The following TCF12 variants were observed in gnomAD, a reference collection of about 807,000 sequenced individuals.
The protein encoded by TCF12 is transcription factor 12, also known as DNA-binding protein HTF4.
In TCF12, 45 loss-of-function variants were observed where a neutral mutation model predicts 86.0. The ratio of observed to expected loss-of-function variants is 0.52; its 90% CI spans 0.41 to 0.67. TCF12 has a LOEUF of 0.67. TCF12 is among the 30% of genes least tolerant of loss of function. The pLI, the probability that TCF12 is intolerant of heterozygous loss-of-function variation, is 0.00. For synonymous variants in TCF12, 330 were observed against 299.6 expected (o/e 1.10, Z -1.05); for missense variants, 881 against 859.9 (o/e 1.02, Z -0.31).
chr15:57,179,986 C>A (rs1385030594), intron 6 of TCF12, among the ~76,000 whole-genome samples: 2 of 152,204 alleles, frequency 1.3e-5, no homozygotes, highest in South Asian at 2.1e-4. Context: ...AGAATGATAA[C>A]TGTAGTTTGC....
chr15:57,232,642 C>T, intron 10 of TCF12, 70 bp from the exon 11 acceptor site: 1 of 1,518,374 alleles, frequency 6.6e-7, no homozygotes, highest in East Asian at 2.4e-5. Context: ...GACCTGTTAT[C>T]ATAGTTGTCC....
At chr15:57,093,092 A>C (rs1346821573) in intron 5 of TCF12, among the ~76,000 whole-genome samples, 3 of 152,210 alleles carry the variant, frequency 2.0e-5, no homozygotes, top group Non-Finnish European at 4.4e-5. Context: ...ACAAGCAATA[A>C]AACTTGTGTT....
chr15:57,146,368 T>C (rs1007547582), intron 5 of TCF12, among the ~76,000 whole-genome samples: 1 of 152,216 alleles, frequency 6.6e-6, no homozygotes, highest in Non-Finnish European at 1.5e-5. Context: ...TTACTAGATA[T>C]ACAAATTTGT....
chr15:57,030,943 A>G (rs542644251), intron 3 of TCF12, among the ~76,000 whole-genome samples: 1 of 152,304 alleles, frequency 6.6e-6, no homozygotes, highest in African/African-American at 2.4e-5. Flanking sequence ...TTATTCATCA[A>G]ATCCAACCAA....
At chr15:57,166,959 A>G (rs2054941121) in intron 6 of TCF12, among the ~76,000 whole-genome samples, 1 of 152,216 alleles carries the variant, frequency 6.6e-6, no homozygotes, top group African/African-American at 2.4e-5. Flanking sequence ...TGCTTCTGCT[A>G]ATGGGCATCT....
intron 5 of TCF12, among the ~76,000 whole-genome samples, chr15:57,136,962 T>TTTTTTC (rs2052578354): frequency 5.8e-5 from 1 of 17,242 alleles, no homozygotes; most frequent in Non-Finnish European, 1.3e-4. Flanking sequence ...CTGGCAGTTT[T>TTTTTTC]TTTTTTTGTT....
intron 3 of TCF12, among the ~76,000 whole-genome samples, chr15:56,966,771 T>C (rs1308130385): frequency 4.6e-5 from 7 of 152,208 alleles, no homozygotes; most frequent in Non-Finnish European, 7.3e-5. Context: ...TGAACTGTAG[T>C]GTCAATAATT....
intron 5 of TCF12, among the ~76,000 whole-genome samples, chr15:57,103,371 C>G (rs1465026570): frequency 2.0e-5 from 3 of 152,180 alleles, no homozygotes; most frequent in African/African-American, 7.2e-5. Flanking sequence ...CAACTTAAGG[C>G]TGTCTTCTGT....
chr15:57,042,202 T>C (rs1352350058), intron 3 of TCF12, among the ~76,000 whole-genome samples: 1 of 152,062 alleles, frequency 6.6e-6, no homozygotes, highest in Non-Finnish European at 1.5e-5. Flanking sequence ...CACTGCAACC[T>C]CTGCCTCATA....
chr15:57,127,456 G>C (rs2051752919), intron 5 of TCF12, among the ~76,000 whole-genome samples: 1 of 152,084 alleles, frequency 6.6e-6, no homozygotes, highest in African/African-American at 2.4e-5. Flanking sequence ...ACCTATAATA[G>C]AGTAGCGTTT....
intron 14 of TCF12, chr15:57,252,184 G>A (rs1219054016): frequency 4.5e-5 from 18 of 397,154 alleles, no homozygotes; most frequent in Non-Finnish European, 6.7e-5. Flanking sequence ...TTGAAGGAAC[G>A]TTTGCTTCTC....
chr15:57,177,097 ATGT>A (rs1465290260), intron 6 of TCF12, among the ~76,000 whole-genome samples: 4 of 152,062 alleles, frequency 2.6e-5, no homozygotes, highest in African/African-American at 4.8e-5. Flanking sequence ...CATTGAGAAA[ATGT>A]TGTTTGAATC....
chr15:57,148,923 A>G (rs1232933608), intron 5 of TCF12, among the ~76,000 whole-genome samples: 33 of 152,142 alleles, frequency 2.2e-4, no homozygotes, highest in Non-Finnish European at 3.2e-4. Context: ...ATAACTAACA[A>G]CAACGTGACC....
chr15:57,253,223 C>A, intron 15 of TCF12, 39 bp from the exon 16 acceptor site: 11 of 1,605,072 alleles, frequency 6.9e-6, no homozygotes, highest in Non-Finnish European at 9.4e-6. Context: ...CTAACAGATG[C>A]CAGCAATAAC....
At chr15:57,176,171 C>T (rs908406987) in intron 6 of TCF12, among the ~76,000 whole-genome samples, 1 of 152,104 alleles carries the variant, frequency 6.6e-6, no homozygotes, top group Non-Finnish European at 1.5e-5. Context: ...GCACTCCAGC[C>T]TAGGTGACAG....
Position 57,063,555 on chromosome 15 carries a change from A to G in TCF12, c.149-195A>G, listed in dbSNP as rs373900094. Among the ~76,000 whole-genome samples the G allele has an allele frequency of 2.0e-5, 3 of 152,172 alleles. No homozygotes were observed. The East Asian group carries it at 5.8e-4, about 29-fold the overall frequency. On this transcript the variant is annotated intron_variant, in intron 3 of 20. Coordinates refer to ENST00000333725, the MANE Select transcript of TCF12 (RefSeq NM_207037.2). ...TACTATAATTTACATAGGGTATTGC[A>G]TGAGGATTGATGGAGCAATGATGAA...
Position 57,286,486 on chromosome 15 carries a change from A to T in TCF12, c.*341A>T, listed in dbSNP as rs1428926715. 2.4e-5 allele frequency: 9 copies of T among 378,788 alleles called. No individual in the cohort carries two copies. The highest frequency in any genetic ancestry group is 4.2e-5 in the Non-Finnish European group (8 of 190,300). 23.5% of individuals were successfully genotyped at this position (378,788 alleles called of 1,614,324 possible). A position where few individuals can be genotyped will look rare whatever the true frequency, so the allele number is the denominator to read the frequency against. Reference sequence around the variant, plus strand: ...GTTGCCTTGTGCCTAAACTGAATTGACAAATGCATTGTAACTACAAATTTT... The same window carrying T: ...GTTGCCTTGTGCCTAAACTGAATTGTCAAATGCATTGTAACTACAAATTTT... On this transcript the variant is annotated 3_prime_UTR_variant, in exon 21 of 21. Transcript: ENST00000333725.
chr15:57,105,719 G>C (rs180933513), intron 5 of TCF12, among the ~76,000 whole-genome samples: 54 of 152,264 alleles, frequency 3.5e-4, no homozygotes, highest in Admixed American at 2.3e-3. Context: ...ACCATGAAAA[G>C]TTTTTAATGA....
chr15:57,264,232 ACT>A (rs1235350273), intron 18 of TCF12, among the ~76,000 whole-genome samples: 16 of 42,064 alleles, frequency 3.8e-4, no homozygotes, highest in Non-Finnish European at 5.3e-4. Flanking sequence ...GTGGAGTCTT[ACT>A]CTCTCGCCCA....
Sources: gnomAD v4.1 joint callset for allele counts (sites outside exome capture counted in the v4.1 genomes callset) on GRCh38, gnomAD v4.1.1 for gene constraint, MANE v1.5 for transcripts, NCBI Gene and HGNC (gene_info 2026-07-23, HGNC 2026-07-21) for gene names.